Variants in SPAST observed in about 807,000 individuals in gnomAD.
The protein encoded by SPAST is spastin, also known as spastic paraplegia 4 (autosomal dominant; spastin).
A neutral mutation model predicts 76.6 loss-of-function variants in SPAST; 30 were observed. The observed-to-expected ratio is 0.39, with a 90% CI of 0.29 to 0.53. The LOEUF (loss-of-function observed/expected upper bound fraction) is 0.53, where lower values mean the gene tolerates loss of function less well. Ranked by LOEUF, SPAST falls within the 20% of genes least tolerant of loss-of-function variation. The pLI is 0.68. For synonymous variants in SPAST, 305 were observed against 281.0 expected, an observed-to-expected ratio of 1.09 and a Z score of -0.86; for missense variants, 717 against 770.5, an observed-to-expected ratio of 0.93 and a Z score of 0.82.
At chr2:32,070,062 A>AG (rs1676685855) in intron 1 of SPAST, among the ~76,000 whole-genome samples, 1 of 125,034 alleles carries the variant, frequency 8.0e-6, no homozygotes, top group African/African-American at 2.9e-5. Context: ...ACTAAAAAAA[A>AG]AAAAAATTTT....
At chr2:32,144,508 C>T (rs1679821724) in intron 14 of SPAST, among the ~76,000 whole-genome samples, 1 of 152,174 alleles carries the variant, frequency 6.6e-6, no homozygotes, top group Non-Finnish European at 1.5e-5. Flanking sequence ...AAATCAAACC[C>T]TCATAACTAT....
intron 9 of SPAST, among the ~76,000 whole-genome samples, chr2:32,135,587 C>G (rs1558335969): frequency 6.6e-6 from 1 of 151,902 alleles, no homozygotes; most frequent in Non-Finnish European, 1.5e-5. Flanking sequence ...ATAAAATGGC[C>G]TTTGTATGGT....
intron 1 of SPAST, among the ~76,000 whole-genome samples, chr2:32,078,375 C>A (rs920631656): frequency 1.3e-5 from 2 of 152,084 alleles, no homozygotes; most frequent in African/African-American, 2.4e-5. Flanking sequence ...AGTTTCTGGC[C>A]AAGCTGGCCA....
chr2:32,115,592 C>T (rs976091978), intron 5 of SPAST, 110 bp from the exon 6 acceptor site: 13 of 784,542 alleles, frequency 1.7e-5, no homozygotes, highest in Non-Finnish European at 2.5e-5. Flanking sequence ...ATTTTTATAC[C>T]CTTTTTCCTA....
chr2:32,110,015 GTA>G (rs1288049835), intron 4 of SPAST, among the ~76,000 whole-genome samples: 2 of 147,002 alleles, frequency 1.4e-5, no homozygotes, highest in African/African-American at 2.5e-5. Flanking sequence ...AAATAACTAT[GTA>G]TATATAGCTG....
intron 2 of SPAST, among the ~76,000 whole-genome samples, chr2:32,088,685 A>G (rs1218388895): frequency 6.7e-6 from 1 of 149,566 alleles, no homozygotes; most frequent in African/African-American, 2.5e-5. Flanking sequence ...TTTAATTAAA[A>G]ATGCCTTGTA....
chr2:32,149,888 T>G (rs1030612046), intron 16 of SPAST, among the ~76,000 whole-genome samples: 3 of 152,106 alleles, frequency 2.0e-5, no homozygotes, highest in African/African-American at 7.2e-5. Flanking sequence ...TTGTAACTTA[T>G]TTTTTATTTC....
chr2:32,154,731 G>T lies in SPAST; in HGVS notation c.*235G>T. ...CTTGATGGTCACAGTTATCCCAATG[G>T]ACACTAAGTTAGAGCACAACAAAAC... On this transcript the variant is annotated 3_prime_UTR_variant, in exon 17 of 17. Transcript: ENST00000315285. The T allele has an allele frequency of 2.0e-6, 1 of 511,244 alleles. No individual in the cohort carries two copies. The highest frequency in any genetic ancestry group is 3.6e-5 in the East Asian group (1 of 27,850). 31.7% of individuals were successfully genotyped at this position (511,244 alleles called of 1,614,324 possible).
chr2:32,115,918 TAATA>T, intron 6 of SPAST, 83 bp downstream of exon 6: 1 of 1,131,734 alleles, frequency 8.8e-7, no homozygotes, highest in Non-Finnish European at 1.3e-6. Flanking sequence ...GTGAAATAGA[TAATA>T]AATACCTTGT....
chr2:32,072,233 C>T (rs1044032731), intron 1 of SPAST, among the ~76,000 whole-genome samples: 5 of 151,880 alleles, frequency 3.3e-5, no homozygotes, highest in African/African-American at 1.2e-4. Context: ...TTAGTAGAGA[C>T]GGGATTTCAC....
chr2:32,095,045 A>G (rs74603292), intron 3 of SPAST, among the ~76,000 whole-genome samples: 3,408 of 152,336 alleles, frequency 0.022, 111 homozygotes, highest in African/African-American at 0.077. Context: ...TCTGGTTGCT[A>G]TGTTGCATTA....
Position 32,156,972 on chromosome 2 carries a change from A to C in SPAST, c.*2476A>C, listed in dbSNP as rs1470291856. On this transcript the variant is annotated 3_prime_UTR_variant, in exon 17 of 17. Coordinates refer to ENST00000315285, the MANE Select transcript of SPAST (RefSeq NM_014946.4). ...AGTTTTATTTTAAGCTGTTTCTTTG[A>C]TAGAAGGGCCATGAAAATAGAGTAA... 6.6e-6 allele frequency: 1 copy of C among 152,188 alleles called. No homozygotes were observed. The highest frequency in any genetic ancestry group is 6.5e-5 in the Admixed American group (1 of 15,278). 9.4% of individuals were successfully genotyped at this position (152,188 alleles called of 1,614,324 possible).
intron 9 of SPAST, among the ~76,000 whole-genome samples, chr2:32,133,323 A>G (rs936744622): frequency 6.6e-6 from 1 of 152,210 alleles, no homozygotes; most frequent in Non-Finnish European, 1.5e-5. Flanking sequence ...CAAAGCGAAT[A>G]TACTTTCATA....
chr2:32,137,065 T>C, intron 11 of SPAST, 44 bp from the exon 12 acceptor site: 1 of 1,563,366 alleles, frequency 6.4e-7, no homozygotes, highest in Non-Finnish European at 8.8e-7. Context: ...TTATATTTGT[T>C]ATTACTTTTC....
chr2:32,067,253 G>C (rs540613025), intron 1 of SPAST, among the ~76,000 whole-genome samples: 7 of 152,022 alleles, frequency 4.6e-5, no homozygotes, highest in African/African-American at 1.7e-4. Context: ...GTAGAGATGG[G>C]GTTCCACCAT....
intron 16 of SPAST, among the ~76,000 whole-genome samples, chr2:32,147,643 TTTG>T (rs1282546605): frequency 6.1e-5 from 9 of 146,796 alleles, no homozygotes; most frequent in South Asian, 2.3e-4. Flanking sequence ...TGTTTGTTTG[TTTG>T]TTTGAGACGG....
At chr2:32,144,372 G>T (rs1243182569) in intron 14 of SPAST, among the ~76,000 whole-genome samples, 3 of 152,166 alleles carry the variant, frequency 2.0e-5, no homozygotes, top group South Asian at 4.1e-4. Context: ...CTTTCCAGGT[G>T]ACATGTTTAC....
At chr2:32,108,788 C>CA (rs1404682070) in intron 4 of SPAST, among the ~76,000 whole-genome samples, 1 of 82,128 alleles carries the variant, frequency 1.2e-5, no homozygotes, top group African/African-American at 5.1e-5. Context: ...TTTTTTGTGA[C>CA]AGAGTCTCAC....
chr2:32,120,052 C>G (rs1247275437), intron 7 of SPAST, among the ~76,000 whole-genome samples: 4 of 150,416 alleles, frequency 2.7e-5, no homozygotes, highest in Non-Finnish European at 4.4e-5. Flanking sequence ...TTGAGACAGT[C>G]TCGCTGTGTT....
Sources: allele counts gnomAD v4.1 joint callset (sites outside exome capture counted in the v4.1 genomes callset), GRCh38; gene constraint gnomAD v4.1.1; transcripts MANE v1.5; gene names NCBI Gene and HGNC (gene_info 2026-07-23, HGNC 2026-07-21).